NTRK2: variants seen among roughly 807,000 people sequenced by gnomAD.
The protein encoded by NTRK2 is BDNF/NT-3 growth factors receptor.
NTRK2 carries 13 observed loss-of-function variants against 94.5 expected under a neutral mutation model. The ratio of observed to expected loss-of-function variants is 0.14; its 90% CI spans 0.09 to 0.22. The LOEUF is 0.22. Ranked by LOEUF, NTRK2 falls within the 10% of genes least tolerant of loss-of-function variation. The probability of loss-of-function intolerance (pLI) is 1.00; values close to 1 mark genes in which losing one functional copy is unlikely to be tolerated. For synonymous variants in NTRK2, 372 were observed against 407.4 expected, an observed-to-expected ratio of 0.91 and a Z score of 1.05; for missense variants, 639 against 1,071.2, an observed-to-expected ratio of 0.60 and a Z score of 5.63.
At chr9:85,000,211 A>G (rs944405876) in intron 17 of NTRK2, among the ~76,000 whole-genome samples, 2 of 152,182 alleles carry the variant, frequency 1.3e-5, no homozygotes, top group African/African-American at 4.8e-5. Flanking sequence ...AGAGCGGTGC[A>G]TTTGTTACAG....
At chr9:84,696,598 G>A (rs2060391392) in intron 2 of NTRK2, among the ~76,000 whole-genome samples, 2 of 152,112 alleles carry the variant, frequency 1.3e-5, no homozygotes, top group Non-Finnish European at 2.9e-5. Flanking sequence ...GAGATGAGGA[G>A]CTAGCAATTC....
intron 14 of NTRK2, among the ~76,000 whole-genome samples, chr9:84,891,649 C>G (rs1049721547): frequency 1.3e-5 from 2 of 152,128 alleles, no homozygotes; most frequent in East Asian, 3.9e-4. Context: ...GGATCTGGGA[C>G]GAGAGTAGAA....
intron 12 of NTRK2, among the ~76,000 whole-genome samples, chr9:84,826,806 C>A (rs1021427925): frequency 9.9e-5 from 15 of 152,172 alleles, no homozygotes; most frequent in African/African-American, 2.9e-4. Flanking sequence ...CTCATTCATT[C>A]ATTTAATAAA....
chr9:84,873,757 C>T (rs2075961392), intron 14 of NTRK2: 1 of 1,056,228 alleles, frequency 9.5e-7, no homozygotes, highest in South Asian at 4.6e-5. Flanking sequence ...TAGCATCTGA[C>T]CATTGGGTAA....
intron 11 of NTRK2, among the ~76,000 whole-genome samples, chr9:84,750,013 G>A (rs2064443692): frequency 6.6e-6 from 1 of 152,210 alleles, no homozygotes; most frequent in Non-Finnish European, 1.5e-5. Flanking sequence ...GGATGACAAA[G>A]CATCCACATT....
chr9:84,932,637 C>T (rs912191326), intron 14 of NTRK2, among the ~76,000 whole-genome samples: 4 of 152,116 alleles, frequency 2.6e-5, no homozygotes, highest in Non-Finnish European at 4.4e-5. Flanking sequence ...TTGAGTTGCA[C>T]GAGGCATCAG....
At chr9:84,920,669 C>T (rs1316140448) in intron 14 of NTRK2, among the ~76,000 whole-genome samples, 4 of 152,302 alleles carry the variant, frequency 2.6e-5, no homozygotes, top group Non-Finnish European at 5.9e-5. Flanking sequence ...CCCCATCTCC[C>T]TTCCAGAAAT....
chr9:84,972,627 T>C (rs4310286), intron 17 of NTRK2, among the ~76,000 whole-genome samples: 57,703 of 152,164 alleles, frequency 0.38, 12,900 homozygotes, highest in Non-Finnish European at 0.5. Flanking sequence ...AACTTTGATG[T>C]GTTTTTGGGG....
chr9:84,727,198 A>G (rs1317643814), intron 8 of NTRK2, among the ~76,000 whole-genome samples: 1 of 152,016 alleles, frequency 6.6e-6, no homozygotes, highest in Non-Finnish European at 1.5e-5. Context: ...GCTTCAGGCA[A>G]AATTTTAAAA....
chr9:84,730,121 CTTCT>C (rs2062735418), intron 9 of NTRK2, among the ~76,000 whole-genome samples: 1 of 152,148 alleles, frequency 6.6e-6, no homozygotes, highest in Admixed American at 6.5e-5. Context: ...TTCTTTCCAT[CTTCT>C]TGTTCATGAA....
intron 17 of NTRK2, among the ~76,000 whole-genome samples, chr9:84,960,076 A>G (rs919841153): frequency 6.6e-6 from 1 of 152,244 alleles, no homozygotes; most frequent in East Asian, 1.9e-4. Context: ...AGGAAGAAGA[A>G]TAAGCAAAGT....
intron 12 of NTRK2, among the ~76,000 whole-genome samples, chr9:84,794,710 G>C (rs1328640548): frequency 1.3e-5 from 2 of 152,172 alleles, no homozygotes; most frequent in Non-Finnish European, 2.9e-5. Context: ...GGGGCATATA[G>C]TCAAAGGAGG....
chr9:84,978,221 GA>G (rs1270697852), intron 17 of NTRK2, among the ~76,000 whole-genome samples: 1 of 152,182 alleles, frequency 6.6e-6, no homozygotes, highest in African/African-American at 2.4e-5. Flanking sequence ...CATGGTAGGT[GA>G]AAAGCGAGGC....
chr9:84,831,275 G>A (rs1283654931), intron 12 of NTRK2, among the ~76,000 whole-genome samples: 1 of 152,098 alleles, frequency 6.6e-6, no homozygotes, highest in Non-Finnish European at 1.5e-5. Context: ...CAGAAATATT[G>A]GCACAGTCAC....
intron 12 of NTRK2, among the ~76,000 whole-genome samples, chr9:84,771,046 G>A (rs2066495778): frequency 1.3e-5 from 2 of 152,214 alleles, no homozygotes; most frequent in African/African-American, 4.8e-5. Flanking sequence ...ATTAGAAAAT[G>A]CCAGACTTAA....
At chr9:84,688,774 C>T (rs2059869905) in intron 2 of NTRK2, among the ~76,000 whole-genome samples, 1 of 152,224 alleles carries the variant, frequency 6.6e-6, no homozygotes, top group Non-Finnish European at 1.5e-5. Flanking sequence ...AAGTTCCTTT[C>T]CTCACGATGT....
intron 14 of NTRK2, among the ~76,000 whole-genome samples, chr9:84,913,968 C>G (rs900965821): frequency 6.6e-6 from 1 of 151,866 alleles, no homozygotes; most frequent in African/African-American, 2.4e-5. Flanking sequence ...CCTGAGGCTC[C>G]ATTTCTTTAG....
intron 12 of NTRK2, among the ~76,000 whole-genome samples, chr9:84,794,202 C>CAG (rs1301506144): frequency 1.3e-5 from 2 of 152,062 alleles, no homozygotes; most frequent in Non-Finnish European, 2.9e-5. Context: ...ACCACATGTT[C>CAG]AGAGAGAGAG....
intron 17 of NTRK2, among the ~76,000 whole-genome samples, chr9:84,985,256 C>G (rs971536527): frequency 1.3e-5 from 2 of 152,102 alleles, no homozygotes; most frequent in African/African-American, 4.8e-5. Flanking sequence ...TCTGAAAACC[C>G]TATAATTTGT....
Sources: gnomAD v4.1 joint callset for allele counts (sites outside exome capture counted in the v4.1 genomes callset) on GRCh38, gnomAD v4.1.1 for gene constraint, MANE v1.5 for transcripts, NCBI Gene and HGNC (gene_info 2026-07-23, HGNC 2026-07-21) for gene names.